The following BABAM2 variants were observed in gnomAD, a reference collection of about 807,000 sequenced individuals.
The protein encoded by BABAM2 is BRISC and BRCA1-A complex member 2.
A neutral mutation model predicts 54.7 loss-of-function variants in BABAM2; 31 were observed. That is an observed-to-expected ratio of 0.57 (90% CI 0.43 to 0.77). The LOEUF (loss-of-function observed/expected upper bound fraction) is 0.77, where lower values mean the gene tolerates loss of function less well. Among genes scored for constraint, BABAM2 ranks in the 30% least tolerant of loss-of-function variants. BABAM2 has a pLI of 0.00. For missense variants in BABAM2, 364 were observed against 455.8 expected, an observed-to-expected ratio of 0.80 and a Z score of 1.83; for synonymous variants, 167 against 162.9, an observed-to-expected ratio of 1.03 and a Z score of -0.19.
At chr2:27,929,587 A>G (rs545060518) in intron 2 of BABAM2, among the ~76,000 whole-genome samples, 2 of 152,234 alleles carry the variant, frequency 1.3e-5, no homozygotes, top group Non-Finnish European at 2.9e-5. Flanking sequence ...GTTGAAGCAC[A>G]CTGTTGATGT....
chr2:27,921,154 T>C (rs1667318711), intron 2 of BABAM2, among the ~76,000 whole-genome samples: 1 of 152,314 alleles, frequency 6.6e-6, no homozygotes, highest in Non-Finnish European at 1.5e-5. Context: ...TATAGTTTGC[T>C]AAATCAGTGA....
intron 6 of BABAM2, among the ~76,000 whole-genome samples, chr2:28,107,748 T>C (rs546982210): frequency 6.6e-6 from 1 of 152,332 alleles, no homozygotes; most frequent in Middle Eastern, 3.4e-3. Context: ...ATGAATAGTT[T>C]AGTTGTTTAT....
At chr2:28,333,188 A>G (rs1691115781) in intron 11 of BABAM2, among the ~76,000 whole-genome samples, 1 of 152,180 alleles carries the variant, frequency 6.6e-6, no homozygotes, top group South Asian at 2.1e-4. Flanking sequence ...ACTCCTCACA[A>G]GAACCCTTTA....
chr2:28,335,818 A>G (rs1295084241), intron 11 of BABAM2, among the ~76,000 whole-genome samples: 1 of 152,168 alleles, frequency 6.6e-6, no homozygotes, highest in Non-Finnish European at 1.5e-5. Context: ...TCAAATGAGA[A>G]GAAGGGAGAG....
At chr2:28,166,617 C>T (rs1467770356) in intron 7 of BABAM2, among the ~76,000 whole-genome samples, 1 of 152,098 alleles carries the variant, frequency 6.6e-6, no homozygotes, top group Non-Finnish European at 1.5e-5. Flanking sequence ...ATGTCTCTTA[C>T]CCCTGACGTC....
chr2:28,148,072 G>A (rs1172891942), intron 7 of BABAM2, among the ~76,000 whole-genome samples: 1 of 152,176 alleles, frequency 6.6e-6, no homozygotes, highest in Non-Finnish European at 1.5e-5. Context: ...TCAGTTCTTA[G>A]AAGAGATTTC....
chr2:27,961,022 T>C (rs1162009025), intron 3 of BABAM2, among the ~76,000 whole-genome samples: 2 of 152,170 alleles, frequency 1.3e-5, no homozygotes, highest in African/African-American at 4.8e-5. Context: ...CATTGGGAAG[T>C]AAACTGAAAA....
chr2:27,977,351 G>A (rs1671675475), intron 3 of BABAM2, among the ~76,000 whole-genome samples: 2 of 152,134 alleles, frequency 1.3e-5, no homozygotes, highest in South Asian at 4.1e-4. Flanking sequence ...CCCAAAATTG[G>A]AGTAGAATCT....
At chr2:27,954,812 C>T (rs1205215893) in intron 3 of BABAM2, among the ~76,000 whole-genome samples, 1 of 152,078 alleles carries the variant, frequency 6.6e-6, no homozygotes, top group Admixed American at 6.5e-5. Context: ...TCTTTTCTTC[C>T]AGAAATATGA....
intron 2 of BABAM2, among the ~76,000 whole-genome samples, chr2:27,902,987 C>T (rs1161515860): frequency 6.6e-6 from 1 of 152,016 alleles, no homozygotes; most frequent in East Asian, 1.9e-4. Flanking sequence ...AAAAGTCACA[C>T]ATCTTTCTTT....
At chr2:28,167,693 C>CAAA (rs373375104) in intron 7 of BABAM2, among the ~76,000 whole-genome samples, 42 of 103,878 alleles carry the variant, frequency 4.0e-4, no homozygotes, top group Non-Finnish European at 6.1e-4. Flanking sequence ...GACTCCATCT[C>CAAA]AAAAAAATAA....
At chr2:27,894,722 C>T (rs753279586) in intron 2 of BABAM2, 38 bp downstream of exon 2, 1 of 1,611,088 alleles carries the variant, frequency 6.2e-7, no homozygotes, top group Non-Finnish European at 8.5e-7. Flanking sequence ...GTACCAGAAC[C>T]AATTCAACCT....
intron 7 of BABAM2, among the ~76,000 whole-genome samples, chr2:28,176,654 T>G (rs1385385978): frequency 7.3e-6 from 1 of 136,184 alleles, no homozygotes; most frequent in East Asian, 2.1e-4. Flanking sequence ...GAAAAACAAT[T>G]CAGGATGTGA....
intron 7 of BABAM2, among the ~76,000 whole-genome samples, chr2:28,217,488 C>T (rs1030117859): frequency 6.6e-6 from 1 of 152,168 alleles, no homozygotes; most frequent in Non-Finnish European, 1.5e-5. Flanking sequence ...CCCTGCGAAC[C>T]TAATTATTAT....
At chr2:28,182,446 G>C (rs137971077) in intron 7 of BABAM2, among the ~76,000 whole-genome samples, 6 of 152,172 alleles carry the variant, frequency 3.9e-5, no homozygotes, top group African/African-American at 1.4e-4. Flanking sequence ...GCTGCACAGT[G>C]CTGTGATGAA....
At chr2:28,029,908 G>A (rs1001497839) in intron 5 of BABAM2, among the ~76,000 whole-genome samples, 35 of 152,062 alleles carry the variant, frequency 2.3e-4, no homozygotes, top group Non-Finnish European at 4.7e-4. Context: ...ACTTAATTTA[G>A]CCTCTATCCC....
At chr2:28,151,564 A>G (rs564274068) in intron 7 of BABAM2, among the ~76,000 whole-genome samples, 1 of 152,246 alleles carries the variant, frequency 6.6e-6, no homozygotes, top group African/African-American at 2.4e-5. Context: ...GACAAGAGCA[A>G]AACTCCATCT....
chr2:28,011,051 A>G (rs1030133264), intron 4 of BABAM2, among the ~76,000 whole-genome samples: 7 of 152,142 alleles, frequency 4.6e-5, no homozygotes, highest in African/African-American at 1.7e-4. Context: ...GATAGTGAGG[A>G]CCTATAGAGC....
intron 10 of BABAM2, among the ~76,000 whole-genome samples, chr2:28,267,998 CTG>C (rs1409523083): frequency 1.3e-5 from 2 of 152,132 alleles, no homozygotes; most frequent in Non-Finnish European, 2.9e-5. Context: ...AAATGACAAA[CTG>C]TATCTATACA....
Sources: allele counts gnomAD v4.1 joint callset (sites outside exome capture counted in the v4.1 genomes callset), GRCh38; gene constraint gnomAD v4.1.1; transcripts MANE v1.5; gene names NCBI Gene and HGNC (gene_info 2026-07-23, HGNC 2026-07-21).